Variants in RAB27B observed in about 807,000 individuals in gnomAD.
RAB27B encodes ras-related protein Rab-27B.
Under a neutral mutation model 24.6 loss-of-function variants are expected in RAB27B, and 15 were observed. That is an observed-to-expected ratio of 0.61 (90% CI 0.41 to 0.94). RAB27B has a LOEUF of 0.94. Ranked by LOEUF, RAB27B falls within the 40% of genes least tolerant of loss-of-function variation. The probability of loss-of-function intolerance (pLI) is 0.00; values close to 1 mark genes in which losing one functional copy is unlikely to be tolerated. For missense variants in RAB27B, 261 were observed against 266.8 expected, an observed-to-expected ratio of 0.98 and a Z score of 0.15; for synonymous variants, 105 against 92.5, an observed-to-expected ratio of 1.14 and a Z score of -0.78.
intron 2 of RAB27B, among the ~76,000 whole-genome samples, chr18:54,726,142 T>C (rs1403298782): frequency 6.6e-6 from 1 of 151,518 alleles, no homozygotes; most frequent in Non-Finnish European, 1.5e-5. Flanking sequence ...TTAAGTTGAA[T>C]AATAATTCAA....
chr18:54,878,033 C>T (rs1912777897), intron 2 of RAB27B, among the ~76,000 whole-genome samples: 1 of 152,084 alleles, frequency 6.6e-6, no homozygotes, highest in South Asian at 2.1e-4. Context: ...TCTTTCAAAA[C>T]TTGAATTATT....
At chr18:54,742,740 C>CA (rs1455626497) in intron 2 of RAB27B, among the ~76,000 whole-genome samples, 1 of 152,156 alleles carries the variant, frequency 6.6e-6, no homozygotes, top group African/African-American at 2.4e-5. Flanking sequence ...AGTCTAACCA[C>CA]AAGGAGGATG....
chr18:54,738,731 T>C (rs1461003248), intron 2 of RAB27B, among the ~76,000 whole-genome samples: 1 of 152,194 alleles, frequency 6.6e-6, no homozygotes, highest in Non-Finnish European at 1.5e-5. Context: ...ACCACATTCA[T>C]CTGTTTTTTA....
intron 2 of RAB27B, among the ~76,000 whole-genome samples, chr18:54,757,990 T>A (rs1422956489): frequency 6.6e-6 from 1 of 152,158 alleles, no homozygotes; most frequent in East Asian, 1.9e-4. Flanking sequence ...TTTCTTTTTT[T>A]GAGATGGAGT....
intron 2 of RAB27B, among the ~76,000 whole-genome samples, chr18:54,719,709 T>C (rs953300308): frequency 2.6e-5 from 4 of 152,182 alleles, no homozygotes; most frequent in Admixed American, 1.3e-4. Context: ...CAATTTATTT[T>C]CAAGTTTGTG....
chr18:54,743,893 G>A (rs1228602811), intron 2 of RAB27B, among the ~76,000 whole-genome samples: 1 of 152,188 alleles, frequency 6.6e-6, no homozygotes, highest in Non-Finnish European at 1.5e-5. Context: ...TCGACCGTAA[G>A]GGAGGTGGGG....
intron 1 of RAB27B, among the ~76,000 whole-genome samples, chr18:54,833,781 A>G (rs1833282): frequency 0.23 from 34,827 of 152,140 alleles, 4,227 homozygotes; most frequent in East Asian, 0.39. Context: ...AGACAGTGCA[A>G]AAGGATTTGC....
chr18:54,846,422 TC>T (rs1193343390), intron 1 of RAB27B, among the ~76,000 whole-genome samples: 1 of 152,240 alleles, frequency 6.6e-6, no homozygotes, highest in Non-Finnish European at 1.5e-5. Flanking sequence ...AATGTATAAC[TC>T]CTGTGAATAA....
At chr18:54,875,497 G>A (rs930005473) in intron 1 of RAB27B, among the ~76,000 whole-genome samples, 14 of 151,724 alleles carry the variant, frequency 9.2e-5, no homozygotes, top group African/African-American at 2.2e-4. Flanking sequence ...GGTCTTGATG[G>A]GTGCTATGGA....
At chr18:54,724,038 T>C (rs1356374127) in intron 2 of RAB27B, among the ~76,000 whole-genome samples, 7 of 143,990 alleles carry the variant, frequency 4.9e-5, no homozygotes, top group East Asian at 1.9e-4. Context: ...AACATACTTT[T>C]ATAAATTCAT....
intron 2 of RAB27B, among the ~76,000 whole-genome samples, chr18:54,807,512 A>G (rs1217195149): frequency 6.6e-6 from 1 of 152,170 alleles, no homozygotes; most frequent in African/African-American, 2.4e-5. Context: ...TTGACTCATC[A>G]CTAAGTCTCC....
At chr18:54,747,864 T>C (rs1910302705) in intron 2 of RAB27B, among the ~76,000 whole-genome samples, 1 of 152,172 alleles carries the variant, frequency 6.6e-6, no homozygotes, top group Non-Finnish European at 1.5e-5. Context: ...TCCCAGTACT[T>C]TGGGAGACCA....
chr18:54,796,501 G>T (rs1909424743), intron 2 of RAB27B, among the ~76,000 whole-genome samples: 1 of 152,130 alleles, frequency 6.6e-6, no homozygotes, highest in South Asian at 2.1e-4. Flanking sequence ...GATGGGTGGG[G>T]AGCCAGAAGG....
chr18:54,824,310 C>G (rs1406543504), upstream of RAB27B, among the ~76,000 whole-genome samples: 2 of 152,274 alleles, frequency 1.3e-5, no homozygotes, highest in East Asian at 3.9e-4. Flanking sequence ...CACTCCGTAC[C>G]TATTGTATAT....
At chr18:54,769,674 A>G (rs1300465395) in intron 2 of RAB27B, among the ~76,000 whole-genome samples, 1 of 152,124 alleles carries the variant, frequency 6.6e-6, no homozygotes, top group African/African-American at 2.4e-5. Context: ...TTCTTGCAAT[A>G]TTTTAAGGTT....
chr18:54,833,012 G>GA (rs1016057042), intron 1 of RAB27B, among the ~76,000 whole-genome samples: 5 of 152,096 alleles, frequency 3.3e-5, no homozygotes, highest in Non-Finnish European at 2.9e-5. Context: ...TTTTTAAAAT[G>GA]ACTTGTAGAA....
At chr18:54,862,126 A>G (rs543714357) in intron 1 of RAB27B, among the ~76,000 whole-genome samples, 1 of 152,360 alleles carries the variant, frequency 6.6e-6, no homozygotes, top group East Asian at 1.9e-4. Context: ...GACAAGCAGA[A>G]AAATTTTTGA....
At chr18:54,888,184 A>G in intron 5 of RAB27B, 66 bp downstream of exon 5, 4 of 1,544,628 alleles carry the variant, frequency 2.6e-6, no homozygotes, top group Non-Finnish European at 3.5e-6. Context: ...GAGCAGAGAC[A>G]TTAGATTGAT....
chr18:54,882,214 A>G (rs1315094546), intron 3 of RAB27B, among the ~76,000 whole-genome samples: 1 of 152,196 alleles, frequency 6.6e-6, no homozygotes, highest in Non-Finnish European at 1.5e-5. Flanking sequence ...CTCTTCTCCC[A>G]TCTTTTGGTA....
Sources: gnomAD v4.1 joint callset for allele counts (sites outside exome capture counted in the v4.1 genomes callset) on GRCh38, gnomAD v4.1.1 for gene constraint, MANE v1.5 for transcripts, NCBI Gene and HGNC (gene_info 2026-07-23, HGNC 2026-07-21) for gene names.